The following PYROXD2 variants were observed in gnomAD, a reference collection of about 807,000 sequenced individuals.
PYROXD2 encodes the protein pyridine nucleotide-disulphide oxidoreductase domain 2.
In PYROXD2, 69 loss-of-function variants were observed where a neutral mutation model predicts 71.1. The ratio of observed to expected loss-of-function variants is 0.97; its 90% CI spans 0.80 to 1.19. The LOEUF (loss-of-function observed/expected upper bound fraction) is 1.19. Among genes scored for constraint, PYROXD2 ranks in the 50% most tolerant of loss-of-function variants. PYROXD2 has a pLI of 0.00. For missense variants in PYROXD2, 745 were observed against 748.9 expected, an observed-to-expected ratio of 0.99 and a Z score of 0.06; for synonymous variants, 287 against 302.7, an observed-to-expected ratio of 0.95 and a Z score of 0.54.
chr10:98,401,723 TC>T (rs1336126408), intron 4 of PYROXD2, among the ~76,000 whole-genome samples: 2 of 152,070 alleles, frequency 1.3e-5, no homozygotes, highest in Non-Finnish European at 2.9e-5. Flanking sequence ...AACACACACA[TC>T]AGCCTAGGCC....
At chr10:98,388,190 C>A (rs1842818945) in intron 13 of PYROXD2, 164 bp downstream of exon 13, 1 of 672,772 alleles carries the variant, frequency 1.5e-6, no homozygotes, top group Non-Finnish European at 2.6e-6. Flanking sequence ...CAGTTCCTGA[C>A]CCCTGCAGTC....
rs1842735796 is a variant in PYROXD2 at position 98,385,969 on chromosome 10, T to C, written c.1555-902A>G. 2.6e-5 allele frequency among the ~76,000 whole-genome samples: 4 copies of C among 152,272 alleles called. No individual in the cohort carries two copies. The South Asian group carries it at 8.3e-4, about 32-fold the overall frequency. ...ACATATGTAGTTTTTGATTTATTAG[T>C]AGCTACATTTAAAAAGTAAAAGCAG... On this transcript the variant is annotated intron_variant, in intron 14 of 15. Transcript: ENST00000370575.
chr10:98,401,157 G>A (rs1433626692), intron 4 of PYROXD2, among the ~76,000 whole-genome samples: 2 of 150,568 alleles, frequency 1.3e-5, no homozygotes, highest in Non-Finnish European at 2.9e-5. Context: ...GAAGGCTGAG[G>A]CAGGAGAATT....
chr10:98,386,715 G>A (rs75586882), intron 14 of PYROXD2, among the ~76,000 whole-genome samples: 3,765 of 152,042 alleles, frequency 0.025, 105 homozygotes, highest in Admixed American at 0.084. Flanking sequence ...CACACCTGGC[G>A]GGGTTTTTGT....
intron 15 of PYROXD2, among the ~76,000 whole-genome samples, chr10:98,384,594 G>A (rs186332558): frequency 1.3e-5 from 2 of 152,332 alleles, no homozygotes; most frequent in African/African-American, 4.8e-5. Context: ...CTCCAGCCTA[G>A]GCGATAGCGT....
At chr10:98,412,554 GC>G (rs10717289) in intron 1 of PYROXD2, among the ~76,000 whole-genome samples, 54,783 of 151,864 alleles carry the variant, frequency 0.36, 11,008 homozygotes, top group African/African-American at 0.53. Flanking sequence ...ATTTTAACAA[GC>G]CCCCTCAGTC....
At chr10:98,411,382 C>A in intron 1 of PYROXD2, 1 of 197,260 alleles carries the variant, frequency 5.1e-6, no homozygotes, top group Non-Finnish European at 1.0e-5. Context: ...GCAGCATCAG[C>A]ATCCAGGGGA....
intron 4 of PYROXD2, among the ~76,000 whole-genome samples, chr10:98,404,666 G>T (rs1843533789): frequency 6.6e-6 from 1 of 152,046 alleles, no homozygotes; most frequent in South Asian, 2.1e-4. Context: ...TGGAAAGGGT[G>T]TGTGTGTGTG....
chr10:98,396,328 C>T (rs565778856), intron 6 of PYROXD2, among the ~76,000 whole-genome samples: 62 of 152,298 alleles, frequency 4.1e-4, no homozygotes, highest in African/African-American at 1.4e-3. Context: ...TCAGCATGTG[C>T]TTCTACAAGG....
chr10:98,385,999 G>A (rs1012212585), intron 14 of PYROXD2, among the ~76,000 whole-genome samples: 6 of 152,116 alleles, frequency 3.9e-5, no homozygotes, highest in Middle Eastern at 3.2e-3. Flanking sequence ...AAGCAGAGCC[G>A]GTTGTGGTGG....
intron 2 of PYROXD2, among the ~76,000 whole-genome samples, chr10:98,409,168 C>T (rs1307842834): frequency 6.6e-6 from 1 of 152,242 alleles, no homozygotes; most frequent in Non-Finnish European, 1.5e-5. Flanking sequence ...TTCTATGAGA[C>T]TATGATAAAA....
In PYROXD2 at chr10:98,401,322, A is replaced by C. The variant is rs577049932; in HGVS notation, c.316-1065T>G. Among the ~76,000 whole-genome samples the C allele has an allele frequency of 7.2e-5, 11 of 152,012 alleles. No homozygotes were observed. In the East Asian group the frequency reaches 2.1e-3, roughly 29 times the overall value. Reference sequence around the variant, plus strand: ...TAAGAATATGGCATAAAAGGTAAGAAAAATGATACTGTATAGAGCCCTCAT... The same window carrying C: ...TAAGAATATGGCATAAAAGGTAAGACAAATGATACTGTATAGAGCCCTCAT... On this transcript the variant is annotated intron_variant, in intron 4 of 15. Transcript: ENST00000370575.
rs1842927055 is a variant in PYROXD2 at position 98,390,936 on chromosome 10, G to A, written c.1135+74C>T. 7 of 1,377,498 alleles carry A rather than the reference G, an allele frequency of 5.1e-6. No individual in the cohort carries two copies. The South Asian group carries it at 6.9e-5, about 14-fold the overall frequency. 85.3% of individuals were successfully genotyped at this position (1,377,498 alleles called of 1,614,324 possible). A position where few individuals can be genotyped will look rare whatever the true frequency, so the allele number is the denominator to read the frequency against. Reference sequence around the variant, plus strand: ...GGAATGGAGATGATGACTGAGTTCAGCTGCCCCCAGCCTGGAGGTTTCTCA... The same window carrying A: ...GGAATGGAGATGATGACTGAGTTCAACTGCCCCCAGCCTGGAGGTTTCTCA... On this transcript the variant is annotated intron_variant, in intron 11 of 15. Coordinates refer to ENST00000370575, the MANE Select transcript of PYROXD2 (RefSeq NM_032709.3).
intron 10 of PYROXD2, among the ~76,000 whole-genome samples, chr10:98,392,062 GATTA>G (rs1178282496): frequency 3.9e-5 from 6 of 152,230 alleles, no homozygotes; most frequent in Admixed American, 2.6e-4. Flanking sequence ...TTTGTTAATT[GATTA>G]ATTAATAATC....
intron 2 of PYROXD2, among the ~76,000 whole-genome samples, chr10:98,410,282 A>G (rs1480919648): frequency 1.3e-5 from 2 of 152,138 alleles, no homozygotes; most frequent in Non-Finnish European, 2.9e-5. Context: ...GATGTTCCAC[A>G]TTTGTTTTGT....
At chr10:98,393,907 C>A (rs942812) in intron 8 of PYROXD2, among the ~76,000 whole-genome samples, 23,275 of 152,084 alleles carry the variant, frequency 0.15, 3,504 homozygotes, top group African/African-American at 0.38. Flanking sequence ...GTGGATCACA[C>A]GTTCTCTCAA....
intron 1 of PYROXD2, chr10:98,411,542 C>T (rs932351594): frequency 6.6e-6 from 1 of 151,534 alleles, no homozygotes; most frequent in Non-Finnish European, 1.5e-5. Context: ...AAAACATGAA[C>T]AGTTCAACAT....
At chr10:98,390,867 T>C (rs1243419545) in intron 11 of PYROXD2, 113 bp from the exon 12 acceptor site, 3 of 1,429,154 alleles carry the variant, frequency 2.1e-6, no homozygotes, top group Non-Finnish European at 2.9e-6. Flanking sequence ...AGCAAGTGTT[T>C]CACCTTCTGA....
intron 10 of PYROXD2, 44 bp from the exon 11 acceptor site, chr10:98,391,126 C>T (rs1842933165): frequency 1.6e-6 from 2 of 1,215,058 alleles, no homozygotes; most frequent in South Asian, 2.4e-5. Flanking sequence ...TGTCCAAGGC[C>T]CCAAGGAAGC....
Sources: allele counts gnomAD v4.1 joint callset (sites outside exome capture counted in the v4.1 genomes callset), GRCh38; gene constraint gnomAD v4.1.1; transcripts MANE v1.5; gene names NCBI Gene and HGNC (gene_info 2026-07-23, HGNC 2026-07-21).